Variants in DGKH observed in about 807,000 individuals in gnomAD.
DGKH encodes the protein DAG kinase eta.
In DGKH, 90 loss-of-function variants were observed where a neutral mutation model predicts 159.3. That is an observed-to-expected ratio of 0.57 (90% CI 0.48 to 0.67). The LOEUF (loss-of-function observed/expected upper bound fraction) is 0.67. Among genes scored for constraint, DGKH ranks in the 30% least tolerant of loss-of-function variants. The pLI, the probability that DGKH is intolerant of heterozygous loss-of-function variation, is 0.00. For missense variants in DGKH, 1,181 were observed against 1,506.1 expected (o/e 0.78, Z 3.57); for synonymous variants, 536 against 553.8 (o/e 0.97, Z 0.45).
At chr13:42,118,042 C>G (rs1172041429) in intron 1 of DGKH, among the ~76,000 whole-genome samples, 2 of 152,058 alleles carry the variant, frequency 1.3e-5, no homozygotes, top group Non-Finnish European at 2.9e-5. Context: ...ATGGTGAAAC[C>G]CCGTCTCTAC....
At chr13:42,249,307 C>T (rs191658408) in intron 29 of DGKH, among the ~76,000 whole-genome samples, 18 of 152,184 alleles carry the variant, frequency 1.2e-4, no homozygotes, top group Admixed American at 1.2e-3. Flanking sequence ...CCGGGAGGAC[C>T]AATTGAGCCT....
In DGKH at chr13:42,134,952, G is replaced by A. The variant is rs150474973; in HGVS notation, c.384+5320G>A. Among the ~76,000 whole-genome samples the A allele has an allele frequency of 4.0e-3, 607 of 151,270 alleles. 3 individuals carry two copies. Among genetic ancestry groups the A allele is most frequent in the African/African-American group, 0.013 (523 of 41,346 alleles). Reference sequence around the variant, plus strand: ...AGATCGTGCCACTGCACTCCAGCCTGGGCAACAGGAAAAGACTCTGTCTCT... The same window carrying A: ...AGATCGTGCCACTGCACTCCAGCCTAGGCAACAGGAAAAGACTCTGTCTCT... On this transcript the variant is annotated intron_variant, in intron 3 of 29. Transcript: ENST00000337343.
intron 3 of DGKH, among the ~76,000 whole-genome samples, chr13:42,150,345 G>A (rs1955845608): frequency 6.6e-6 from 1 of 152,130 alleles, no homozygotes; most frequent in Non-Finnish European, 1.5e-5. Flanking sequence ...CTGAGAAATA[G>A]GCACTATTTG....
intron 11 of DGKH, among the ~76,000 whole-genome samples, chr13:42,171,100 C>T (rs1185447775): frequency 2.0e-5 from 3 of 152,106 alleles, no homozygotes; most frequent in Non-Finnish European, 4.4e-5. Flanking sequence ...TTTCTGGATA[C>T]AGTGGGAATA....
At position 42,143,684 on chromosome 13, in the gene DGKH, C is replaced by T. The variant is rs373211272; in HGVS notation, c.385-11607C>T. Among the ~76,000 whole-genome samples, 540 of 152,156 alleles carry T rather than the reference C, an allele frequency of 3.5e-3. 7 individuals are homozygous for T. The East Asian group carries it at 0.047, about 13-fold the overall frequency. On this transcript the variant is annotated intron_variant, in intron 3 of 29. Coordinates refer to ENST00000337343, the MANE Select transcript of DGKH (RefSeq NM_178009.5). ...TCTTCTAGATTTTCTAGTTTATTTG[C>T]GTAGAGGTGTTTATAGTATTCTCTG...
At chr13:42,080,524 C>T (rs553889350) in intron 1 of DGKH, among the ~76,000 whole-genome samples, 13 of 152,276 alleles carry the variant, frequency 8.5e-5, no homozygotes, top group African/African-American at 2.4e-4. Flanking sequence ...GAACTGTTTC[C>T]GTTTCTTGGT....
chr13:42,115,321 T>G lies in DGKH; in HGVS notation c.193-12142T>G, dbSNP rs1954944346. Among the ~76,000 whole-genome samples the G allele has an allele frequency of 1.3e-5, 2 of 152,364 alleles. 1 individual carries two copies. Among genetic ancestry groups the G allele is most frequent in the Middle Eastern group, 6.8e-3 (2 of 294 alleles). ...AAATTAGTTAACATGTATTAATTAT[T>G]TTCTTCATATCAAATACTTGGCTAT... On this transcript the variant is annotated intron_variant, in intron 1 of 29. Transcript: ENST00000337343.
At chr13:42,060,320 T>C (rs1414580681) in intron 1 of DGKH, among the ~76,000 whole-genome samples, 1 of 152,228 alleles carries the variant, frequency 6.6e-6, no homozygotes, top group Non-Finnish European at 1.5e-5. Context: ...GTTTGCCCCT[T>C]CCTAAGTTAA....
chr13:42,076,875 G>T (rs1378221708), intron 1 of DGKH, among the ~76,000 whole-genome samples: 1 of 152,128 alleles, frequency 6.6e-6, no homozygotes, highest in Non-Finnish European at 1.5e-5. Flanking sequence ...TGAGAAAGAA[G>T]TTATATAAGT....
upstream of DGKH, among the ~76,000 whole-genome samples, chr13:42,048,586 C>T (rs1269247972): frequency 6.6e-6 from 1 of 152,190 alleles, no homozygotes; most frequent in Admixed American, 6.5e-5. The surrounding 1 kb of genome is among the most constrained non-coding windows in gnomAD (Gnocchi z 6.7). Flanking sequence ...GCGGAGGAGC[C>T]GGGTGGACCC....
rs548860268 is a variant in DGKH at position 42,072,943 on chromosome 13, T to G, written c.192+23978T>G. ...CACCGAATACACTAGATAGTACCAT[T>G]TTCTCTAAATCCATCTTCTAATATT... On this transcript the variant is annotated intron_variant, in intron 1 of 29. Transcript: ENST00000337343. Among the ~76,000 whole-genome samples, 20 of 152,234 alleles carry G rather than the reference T, an allele frequency of 1.3e-4. No homozygotes were observed. The East Asian group carries it at 3.9e-3, about 29-fold the overall frequency.
intron 25 of DGKH, 122 bp downstream of exon 25, chr13:42,214,734 C>A: frequency 2.8e-6 from 2 of 725,966 alleles, no homozygotes; most frequent in Non-Finnish European, 4.0e-6. Context: ...TGAGTCTCTA[C>A]AAACCTGCAG....
chr13:42,159,244 CTTTTTT>C lies in DGKH; in HGVS notation c.623-8_623-3del, dbSNP rs57531279. On this transcript the variant is annotated splice_polypyrimidine_tract_variant and intron_variant, in intron 5 of 29. Transcript: ENST00000337343. ...TCTTGTCCACTTAAAAGCAGTTGCT[CTTTTTT>C]TTTTTTTTTTTTTAGTGTGTAAATT... is the stretch of plus-strand genomic sequence containing the variant. The C allele has an allele frequency of 2.5e-4, 54 of 215,448 alleles. 1 individual carries two copies. The highest frequency in any genetic ancestry group is 9.8e-4 in the Admixed American group (9 of 9,216). 13.3% of individuals were successfully genotyped at this position (215,448 alleles called of 1,614,324 possible). A position where few individuals can be genotyped will look rare whatever the true frequency, so the allele number is the denominator to read the frequency against.
intron 1 of DGKH, among the ~76,000 whole-genome samples, chr13:42,116,352 T>G (rs1954968459): frequency 6.6e-6 from 1 of 152,136 alleles, no homozygotes; most frequent in African/African-American, 2.4e-5. Context: ...ACAAATAAAA[T>G]GTAGAGTGTT....
chr13:42,207,127 T>TC lies in DGKH; in HGVS notation c.2601+981_2601+982insC, dbSNP rs1957519047. On this transcript the variant is annotated intron_variant, in intron 21 of 29. Transcript: ENST00000337343. The stretch of plus-strand genomic sequence containing the variant: ...TTTCTTTCTTTCTCTTTCTCTCTCC[T>TC]TCCTTCCTTCCTTCCTTCCTTCCTT... Among the ~76,000 whole-genome samples, 71 of 58,076 alleles carry TC rather than the reference T, an allele frequency of 1.2e-3. 9 individuals carry two copies. Among genetic ancestry groups the TC allele is most frequent in the East Asian group, 7.1e-3 (13 of 1,838 alleles). The allele number at this position is 58,076 out of a possible 152,430, so 38.1% of individuals were successfully genotyped here.
chr13:42,131,347 GGA>G (rs1361425954), intron 3 of DGKH, among the ~76,000 whole-genome samples: 1 of 152,190 alleles, frequency 6.6e-6, no homozygotes, highest in Non-Finnish European at 1.5e-5. Context: ...TGAAGACTCA[GGA>G]GAGAGAGGGA....
At chr13:42,191,336 A>G (rs1957059478) in intron 16 of DGKH, among the ~76,000 whole-genome samples, 2 of 152,190 alleles carry the variant, frequency 1.3e-5, no homozygotes, top group African/African-American at 4.8e-5. Context: ...GACAATAGAC[A>G]TTGGGGACTA....
chr13:42,112,653 G>C (rs2137805510), intron 1 of DGKH, among the ~76,000 whole-genome samples: 1 of 152,310 alleles, frequency 6.6e-6, no homozygotes, highest in African/African-American at 2.4e-5. Flanking sequence ...GAAATGTTTT[G>C]TGATATTGTA....
chr13:42,060,262 T>A (rs1347420178), intron 1 of DGKH, among the ~76,000 whole-genome samples: 2 of 152,218 alleles, frequency 1.3e-5, no homozygotes, highest in South Asian at 2.1e-4. Flanking sequence ...TATCCCTGAT[T>A]CCTTTATCTA....
Sources: allele counts gnomAD v4.1 joint callset (sites outside exome capture counted in the v4.1 genomes callset), GRCh38; gene constraint gnomAD v4.1.1; non-coding constraint Gnocchi (gnomAD v3.1); transcripts MANE v1.5; gene names NCBI Gene and HGNC (gene_info 2026-07-23, HGNC 2026-07-21).